Variants in TPR observed in about 807,000 individuals in gnomAD.
TPR encodes the protein nucleoprotein TPR.
In TPR, 51 loss-of-function variants were observed where a neutral mutation model predicts 316.1. That is an observed-to-expected ratio of 0.16 (90% CI 0.13 to 0.20). The LOEUF (loss-of-function observed/expected upper bound fraction) is 0.20, where lower values mean the gene tolerates loss of function less well. Among genes scored for constraint, TPR ranks in the 10% least tolerant of loss-of-function variants. TPR has a pLI of 1.00. For synonymous variants in TPR, 981 were observed against 914.7 expected (o/e 1.07, Z -1.31); for missense variants, 2,272 against 2,754.8 (o/e 0.82, Z 3.92).
rs1156404716 is a variant in TPR, at chr1:186,318,855, A to G, written c.6569-27T>C. The G allele has an allele frequency of 4.4e-6, 7 of 1,600,792 alleles. No individual in the cohort carries two copies. In the East Asian group the frequency reaches 6.7e-5, roughly 15 times the overall value. ...TAAAGACAATTCTGAATATTAATGA[A>G]TGACTGAAAAAAACATAAAATTATC... On this transcript the variant is annotated intron_variant, in intron 46 of 50. Transcript: ENST00000367478.
rs755188584 is a variant in TPR at position 186,339,776 on chromosome 1, G to A, written c.4021-4C>T. On this transcript the variant is annotated splice_polypyrimidine_tract_variant and splice_region_variant and intron_variant, in intron 29 of 50. Transcript: ENST00000367478. ...CTTTCTGTTGACTTACTAGATGCTA[G>A]AATAACAAAAATGCATACTTGATTT... The A allele has an allele frequency of 1.1e-5, 17 of 1,559,766 alleles. No individual in the cohort carries two copies. The highest frequency in any genetic ancestry group is 8.4e-5 in the African/African-American group (6 of 71,748).
intron 31 of TPR, 46 bp from the exon 32 acceptor site, chr1:186,337,202 T>C: frequency 6.5e-7 from 1 of 1,545,694 alleles, no homozygotes; most frequent in South Asian, 1.2e-5. Flanking sequence ...TTATATTCAG[T>C]AATTCCATTT....
At chr1:186,329,363 C>T (rs1486734351) in intron 39 of TPR, among the ~76,000 whole-genome samples, 1 of 152,074 alleles carries the variant, frequency 6.6e-6, no homozygotes, top group Non-Finnish European at 1.5e-5. Flanking sequence ...ATGCTTGGGT[C>T]CAGAAGTGTT....
chr1:186,374,912 C>A lies in TPR; in HGVS notation c.117G>T (p.Leu39=), dbSNP rs1402738893. The A allele has an allele frequency of 6.2e-7, 1 of 1,603,016 alleles. No homozygotes were observed. Among genetic ancestry groups the A allele is most frequent in the Non-Finnish European group, 8.5e-7 (1 of 1,170,844 alleles). Residue 39 remains leucine, a synonymous_variant, in exon 1 of 51, where the codon CTG becomes CTT. Transcript: ENST00000367478. The part of the protein sequence containing the change: ...LADQQSEIDG[L]KGRHEKFKVE... ...CCTTAAATTTCTCATGCCGCCCCTTCAGGCCATCGATCTCGGATTGCTGAT... is the reference window on the plus strand; with the variant it reads ...CCTTAAATTTCTCATGCCGCCCCTTAAGGCCATCGATCTCGGATTGCTGAT...
At chr1:186,372,636 C>G (rs1323049889) in intron 2 of TPR, among the ~76,000 whole-genome samples, 1 of 152,194 alleles carries the variant, frequency 6.6e-6, no homozygotes, top group African/African-American at 2.4e-5. Context: ...CAGTCTACAG[C>G]CAGACCACCC....
chr1:186,373,642 G>C (rs1367357710), intron 1 of TPR, among the ~76,000 whole-genome samples, 179 bp from the exon 2 acceptor site: 1 of 152,110 alleles, frequency 6.6e-6, no homozygotes, highest in African/African-American at 2.4e-5. Context: ...AGGACTTAAA[G>C]CATTTCCAAA....
chr1:186,330,643 T>C (rs974161376), intron 39 of TPR, among the ~76,000 whole-genome samples: 1 of 152,146 alleles, frequency 6.6e-6, no homozygotes, highest in African/African-American at 2.4e-5. Flanking sequence ...AAGGACCCTG[T>C]GAGGCATAAA....
At chr1:186,349,845 A>G (rs1658806823) in intron 21 of TPR, among the ~76,000 whole-genome samples, 1 of 152,208 alleles carries the variant, frequency 6.6e-6, no homozygotes, top group African/African-American at 2.4e-5. Context: ...AAATCAACTC[A>G]TTCTTTAAGA....
Position 186,311,765 on chromosome 1 carries a change from A to G in TPR, c.*2206T>C. On this transcript the variant is annotated 3_prime_UTR_variant, in exon 51 of 51. Transcript: ENST00000367478. ...AGTATTCTTATTGCCCTCAATTTTT[A>G]TTTTCATTTCTTCACAGGCAAGTCA... The G allele has an allele frequency of 1.4e-6, 1 of 715,914 alleles. No individual in the cohort carries two copies. The highest frequency in any genetic ancestry group is 2.3e-6 in the Non-Finnish European group (1 of 442,462). 44.3% of individuals were successfully genotyped at this position (715,914 alleles called of 1,614,324 possible). A position where few individuals can be genotyped will look rare whatever the true frequency, so the allele number is the denominator to read the frequency against.
intron 49 of TPR, among the ~76,000 whole-genome samples, 197 bp downstream of exon 49, chr1:186,317,285 A>G (rs915170131): frequency 6.6e-6 from 1 of 152,256 alleles, no homozygotes; most frequent in Non-Finnish European, 1.5e-5. Flanking sequence ...CATATTTCTT[A>G]TTATTGATGC....
intron 49 of TPR, among the ~76,000 whole-genome samples, chr1:186,317,269 C>G (rs1320505367): frequency 1.3e-5 from 2 of 152,178 alleles, no homozygotes; most frequent in African/African-American, 2.4e-5. Context: ...ATGGATCCAC[C>G]ATGTCCATAT....
Position 186,338,394 on chromosome 1 carries a change from C to T in TPR, c.4152-151G>A, listed in dbSNP as rs1257258514. 11 of 612,230 alleles carry T rather than the reference C, an allele frequency of 1.8e-5. No homozygotes were observed. In the East Asian group the frequency reaches 3.0e-4, roughly 16 times the overall value. 37.9% of individuals were successfully genotyped at this position (612,230 alleles called of 1,614,324 possible). ...CATATACTTCAAAGGTAAGACCTTA[C>T]GAATTTACAGCCCTTCGGCAAGATC... On this transcript the variant is annotated intron_variant, in intron 30 of 50. Coordinates refer to ENST00000367478, the MANE Select transcript of TPR (RefSeq NM_003292.3).
At chr1:186,351,851 T>G in intron 19 of TPR, 125 bp downstream of exon 19, 9 of 1,117,918 alleles carry the variant, frequency 8.1e-6, no homozygotes, top group Non-Finnish European at 1.1e-5. Flanking sequence ...AACTGCAAAA[T>G]TCAATGATCA....
rs1658225407 is a variant in TPR at position 186,333,164 on chromosome 1, G to A, written c.5413C>T (p.Pro1805Ser). The A allele has an allele frequency of 1.9e-6, 3 of 1,613,464 alleles. No individual in the cohort carries two copies. The highest frequency in any genetic ancestry group is 2.2e-5 in the East Asian group (1 of 44,862). The change falls in exon 37 of 51, where the codon CCA (proline) becomes TCA (serine). Residue 1805 changes from proline (P) to serine (S), a missense_variant. Physicochemically the swap from Pro to Ser is moderately conservative, Grantham distance 74. Coordinates refer to ENST00000367478, the MANE Select transcript of TPR (RefSeq NM_003292.3). ...GTGGAAGTAGAAGGCCGCTCAACTG[G>A]TGAACTCTGAACAACCTCTACTATG... ...SNIVEVVQSS[P>S]VERPSTSTAV...
In TPR at chr1:186,344,069, A is replaced by C. The variant is rs1215719811; in HGVS notation, c.3439T>G (p.Cys1147Gly). ...TGTTTCTCCAGATCTTCACAGCGAC[A>C]TACACATTTGGAAACTTCATCCTGC... The part of the protein sequence containing the change: ...MLKDEVSKCV[C>G]RCEDLEKQNR... The change falls in exon 26 of 51, where the codon TGT becomes GGT. Residue 1147 changes from cysteine (C) to glycine (G), a missense_variant. By Grantham distance (159) the Cys-to-Gly change is radical. Coordinates refer to ENST00000367478, the MANE Select transcript of TPR (RefSeq NM_003292.3). The C allele has an allele frequency of 2.5e-6, 4 of 1,613,742 alleles. No homozygotes were observed. Among genetic ancestry groups the C allele is most frequent in the Non-Finnish European group, 3.4e-6 (4 of 1,179,916 alleles).
In TPR at chr1:186,375,008, T is replaced by C; in HGVS notation, c.21A>G (p.Gln7=). 6.2e-7 allele frequency: 1 copy of C among 1,614,044 alleles called. No homozygotes were observed. Among genetic ancestry groups the C allele is most frequent in the Non-Finnish European group, 8.5e-7 (1 of 1,180,018 alleles). The part of the protein sequence containing the change: MAAVLQ[Q]VLERTELNKL... ...TGTTCAGCTCCGTGCGCTCCAGGAC[T>C]TGCTGCAACACCGCCGCCATGTCGG... The change falls in exon 1 of 51, where the codon CAA becomes CAG. Residue 7 remains glutamine, a synonymous_variant. Transcript: ENST00000367478.
intron 30 of TPR, 110 bp downstream of exon 30, chr1:186,339,532 G>C: frequency 2.2e-6 from 2 of 907,734 alleles, no homozygotes; most frequent in Non-Finnish European, 3.0e-6. Flanking sequence ...AGGTGCTCTA[G>C]CACTTTCCAT....
At chr1:186,330,701 C>T (rs779464365) in intron 39 of TPR, among the ~76,000 whole-genome samples, 4 of 152,034 alleles carry the variant, frequency 2.6e-5, no homozygotes, top group East Asian at 1.9e-4. Flanking sequence ...CTTTGGTCCA[C>T]GCTGGAGACT....
intron 40 of TPR, among the ~76,000 whole-genome samples, 186 bp downstream of exon 40, chr1:186,327,274 T>A (rs5016761): frequency 0.026 from 58 of 2,190 alleles, 14 homozygotes; most frequent in Non-Finnish European, 0.04. Context: ...ATATATATAT[T>A]TATATATAAT....
Sources: allele counts gnomAD v4.1 joint callset (sites outside exome capture counted in the v4.1 genomes callset), GRCh38; gene constraint gnomAD v4.1.1; transcripts MANE v1.5; gene names NCBI Gene and HGNC (gene_info 2026-07-23, HGNC 2026-07-21).